The following PALLD variants were observed in gnomAD, a reference collection of about 807,000 sequenced individuals.
PALLD encodes palladin.
In PALLD, 61 loss-of-function variants were observed where a neutral mutation model predicts 123.5. The ratio of observed to expected loss-of-function variants is 0.49; its 90% CI spans 0.40 to 0.61. The LOEUF (loss-of-function observed/expected upper bound fraction) is 0.61, where lower values mean the gene tolerates loss of function less well. Ranked by LOEUF, PALLD falls within the 20% of genes least tolerant of loss-of-function variation. The pLI is 0.00. For missense variants in PALLD, 1,273 were observed against 1,377.0 expected (o/e 0.92, Z 1.20); for synonymous variants, 465 against 496.4 (o/e 0.94, Z 0.84).
chr4:168,574,787 A>C (rs987372899), intron 2 of PALLD, among the ~76,000 whole-genome samples: 2 of 152,144 alleles, frequency 1.3e-5, no homozygotes, highest in Non-Finnish European at 2.9e-5. Flanking sequence ...TAGCTACTAT[A>C]GAGAACTCAT....
chr4:168,510,383 T>C (rs1004936044), intron 1 of PALLD, among the ~76,000 whole-genome samples: 7 of 152,184 alleles, frequency 4.6e-5, no homozygotes, highest in African/African-American at 1.4e-4. Context: ...TAGACTCTCA[T>C]AGCCCCCAGG....
chr4:168,767,541 GAT>G (rs1491523264), intron 10 of PALLD, among the ~76,000 whole-genome samples: 1 of 125,176 alleles, frequency 8.0e-6, no homozygotes, highest in Non-Finnish European at 1.6e-5. Context: ...CCCTGTCTCT[GAT>G]TTTTTTTTTT....
At chr4:168,668,968 A>G (rs1182231074) in intron 3 of PALLD, among the ~76,000 whole-genome samples, 4 of 152,208 alleles carry the variant, frequency 2.6e-5, no homozygotes, top group Non-Finnish European at 5.9e-5. Context: ...GAAAAACTTG[A>G]TATCAAAGTA....
intron 2 of PALLD, among the ~76,000 whole-genome samples, chr4:168,628,354 T>C (rs896620350): frequency 1.3e-5 from 2 of 152,226 alleles, no homozygotes; most frequent in African/African-American, 4.8e-5. Flanking sequence ...CTCCAATGGC[T>C]GTCTGTTGCT....
chr4:168,531,007 G>A (rs1764548131), intron 2 of PALLD, among the ~76,000 whole-genome samples: 1 of 152,202 alleles, frequency 6.6e-6, no homozygotes, highest in Admixed American at 6.5e-5. Flanking sequence ...GTCTCTGGAA[G>A]AAGTGTTTGT....
chr4:168,608,675 CTGT>C (rs1430193734), intron 2 of PALLD, among the ~76,000 whole-genome samples: 3 of 151,982 alleles, frequency 2.0e-5, no homozygotes, highest in African/African-American at 7.3e-5. Context: ...ATTGCTGCTG[CTGT>C]TGTTGTTGCT....
intron 15 of PALLD, among the ~76,000 whole-genome samples, chr4:168,912,804 T>C (rs1427335254): frequency 6.6e-6 from 1 of 152,210 alleles, no homozygotes; most frequent in African/African-American, 2.4e-5. Context: ...TGTGAAACAC[T>C]AAAACTTTTT....
chr4:168,539,344 C>T (rs1055638014), intron 2 of PALLD, among the ~76,000 whole-genome samples: 2 of 152,068 alleles, frequency 1.3e-5, no homozygotes, highest in African/African-American at 4.8e-5. Context: ...AATCCCAGCA[C>T]TTTGGGACGC....
At chr4:168,925,567 C>T (rs577388749) in intron 21 of PALLD, among the ~76,000 whole-genome samples, 1 of 152,214 alleles carries the variant, frequency 6.6e-6, no homozygotes, top group African/African-American at 2.4e-5. Context: ...ATATCTTAAG[C>T]AGCCAGCAGT....
intron 2 of PALLD, among the ~76,000 whole-genome samples, chr4:168,541,820 T>A (rs932945185): frequency 3.3e-5 from 5 of 152,136 alleles, no homozygotes; most frequent in Admixed American, 1.3e-4. Flanking sequence ...CCCAATTATA[T>A]GTTGCAAAAA....
intron 10 of PALLD, among the ~76,000 whole-genome samples, chr4:168,715,011 C>T (rs751817442): frequency 2.9e-4 from 44 of 152,242 alleles, no homozygotes; most frequent in Middle Eastern, 3.4e-3. Context: ...TACTGTCCAA[C>T]AGAAGTCGTC....
At chr4:168,734,471 A>G (rs1296478422) in intron 10 of PALLD, among the ~76,000 whole-genome samples, 4 of 152,106 alleles carry the variant, frequency 2.6e-5, no homozygotes, top group Non-Finnish European at 5.9e-5. Context: ...TGGTGGAGGA[A>G]TGGTGCAGCT....
chr4:168,785,900 A>G (rs1736685556), intron 10 of PALLD, among the ~76,000 whole-genome samples: 1 of 127,350 alleles, frequency 7.9e-6, no homozygotes, highest in Non-Finnish European at 1.8e-5. Flanking sequence ...CAACTTGAAG[A>G]AAGTTGCTGA....
At chr4:168,536,158 T>C (rs1007868178) in intron 2 of PALLD, among the ~76,000 whole-genome samples, 1 of 152,330 alleles carries the variant, frequency 6.6e-6, no homozygotes, top group East Asian at 1.9e-4. Context: ...TGACTCCTGC[T>C]ACTCAGGACT....
rs887714148 is a variant in PALLD at position 168,852,497 on chromosome 4, C to T, written c.1965-38425C>T. 2.0e-5 allele frequency among the ~76,000 whole-genome samples: 3 copies of T among 151,950 alleles called. No individual in the cohort carries two copies. The East Asian group carries it at 5.8e-4, about 29-fold the overall frequency. On this transcript the variant is annotated intron_variant, in intron 10 of 21. Coordinates refer to ENST00000505667, the MANE Select transcript of PALLD (RefSeq NM_001166108.2). ...CTAGACTATCTCTACAAAAATTAGC[C>T]GGGTGCAGTAACTCACACCTGTAGT...
intron 2 of PALLD, among the ~76,000 whole-genome samples, chr4:168,612,824 A>G (rs1325766495): frequency 6.6e-6 from 1 of 152,198 alleles, no homozygotes; most frequent in Non-Finnish European, 1.5e-5. Flanking sequence ...GGAGGCAAAA[A>G]GGGCAGTGCA....
At chr4:168,792,592 A>G (rs1737691311) in intron 10 of PALLD, among the ~76,000 whole-genome samples, 1 of 151,722 alleles carries the variant, frequency 6.6e-6, no homozygotes, top group Non-Finnish European at 1.5e-5. Context: ...CTTTCCCACA[A>G]AAGTAACCCA....
In PALLD at chr4:168,926,439, A is replaced by G. The variant is rs1762589423; in HGVS notation, c.*259A>G. On this transcript the variant is annotated 3_prime_UTR_variant, in exon 22 of 22. Coordinates refer to ENST00000505667, the MANE Select transcript of PALLD (RefSeq NM_001166108.2). ...TGAAACAGCCATTGCCTTGACCAAC[A>G]TATTCCTTTGTCACATTATGTAAAA... The G allele has an allele frequency of 5.5e-6, 7 of 1,283,742 alleles. No homozygotes were observed. The highest frequency in any genetic ancestry group is 6.5e-6 in the Non-Finnish European group (6 of 917,606). The allele number at this position is 1,283,742 out of a possible 1,614,324, so 79.5% of individuals were successfully genotyped here. A position where few individuals can be genotyped will look rare whatever the true frequency, so the allele number is the denominator to read the frequency against.
intron 15 of PALLD, among the ~76,000 whole-genome samples, chr4:168,913,224 C>T (rs923454820): frequency 1.3e-5 from 2 of 151,608 alleles, no homozygotes; most frequent in Non-Finnish European, 2.9e-5. Flanking sequence ...GCAACCTCCG[C>T]CTCCCGGGTT....
Sources: allele counts gnomAD v4.1 joint callset (sites outside exome capture counted in the v4.1 genomes callset), GRCh38; gene constraint gnomAD v4.1.1; transcripts MANE v1.5; gene names NCBI Gene and HGNC (gene_info 2026-07-23, HGNC 2026-07-21).